The following ANO1 variants were observed in gnomAD, a reference collection of about 807,000 sequenced individuals.
ANO1 encodes the protein anoctamin-1.
A neutral mutation model predicts 124.0 loss-of-function variants in ANO1; 59 were observed. The ratio of observed to expected loss-of-function variants is 0.48; its 90% CI spans 0.39 to 0.59. The LOEUF is 0.59. Among genes scored for constraint, ANO1 ranks in the 20% least tolerant of loss-of-function variants. The pLI is 0.00. For missense variants in ANO1, 1,059 were observed against 1,328.0 expected (o/e 0.80, Z 3.15); for synonymous variants, 529 against 532.0 (o/e 0.99, Z 0.08).
intron 12 of ANO1, among the ~76,000 whole-genome samples, chr11:70,150,141 G>A (rs1021971678): frequency 6.6e-6 from 1 of 152,270 alleles, no homozygotes; most frequent in Non-Finnish European, 1.5e-5. Flanking sequence ...ACCCGTGGGG[G>A]TGGAGAGGAA....
intron 1 of ANO1, among the ~76,000 whole-genome samples, chr11:70,016,065 T>C (rs1856697994): frequency 6.6e-6 from 1 of 151,974 alleles, no homozygotes; most frequent in Non-Finnish European, 1.5e-5. Context: ...TCTCACTCTG[T>C]TGCCCAGGCT....
At chr11:70,080,246 C>T (rs1333727328) in intron 1 of ANO1, among the ~76,000 whole-genome samples, 1 of 152,182 alleles carries the variant, frequency 6.6e-6, no homozygotes, top group Admixed American at 6.5e-5. Context: ...GAGACTGAGG[C>T]CCAGAGGGGC....
chr11:70,024,450 C>T (rs1321597491), intron 1 of ANO1, among the ~76,000 whole-genome samples: 1 of 152,170 alleles, frequency 6.6e-6, no homozygotes, highest in Non-Finnish European at 1.5e-5. Context: ...GACCTGCTTC[C>T]CCTGCAGAGA....
chr11:70,185,049 C>T (rs2135857007), intron 24 of ANO1, among the ~76,000 whole-genome samples: 1 of 152,252 alleles, frequency 6.6e-6, no homozygotes, highest in African/African-American at 2.4e-5. Flanking sequence ...AGAGGTTTTT[C>T]TTTGGTAGAT....
intron 1 of ANO1, among the ~76,000 whole-genome samples, chr11:70,050,073 T>G (rs1555006145): frequency 1.3e-5 from 2 of 152,172 alleles, no homozygotes; most frequent in Admixed American, 1.3e-4. Flanking sequence ...TAGGAATGAC[T>G]CTTCCATCCC....
At chr11:70,019,243 C>CCCA (rs1565162181) in intron 1 of ANO1, among the ~76,000 whole-genome samples, 1 of 122,022 alleles carries the variant, frequency 8.2e-6, no homozygotes, top group African/African-American at 3.5e-5. Context: ...AAGAACCCCC[C>CCCA]CACACACACA....
intron 1 of ANO1, among the ~76,000 whole-genome samples, chr11:70,066,164 T>A (rs1857712374): frequency 6.6e-6 from 1 of 152,196 alleles, no homozygotes; most frequent in Non-Finnish European, 1.5e-5. Context: ...ATGTCCATTG[T>A]GTGAATGAAA....
chr11:70,051,450 C>T (rs1342569377), intron 1 of ANO1, among the ~76,000 whole-genome samples: 2 of 152,210 alleles, frequency 1.3e-5, no homozygotes, highest in South Asian at 2.1e-4. Context: ...TCAGGAGTTG[C>T]TGCCAAGTTT....
intron 1 of ANO1, among the ~76,000 whole-genome samples, chr11:69,990,074 T>A (rs1554997271): frequency 6.6e-6 from 1 of 152,218 alleles, no homozygotes; most frequent in Admixed American, 6.5e-5. Context: ...CTATCATCAC[T>A]ATCTATTTTC....
intron 2 of ANO1, among the ~76,000 whole-genome samples, chr11:70,095,422 G>GAA (rs1209925491): frequency 6.0e-5 from 3 of 49,774 alleles, no homozygotes; most frequent in Admixed American, 2.0e-4. Context: ...AAGAAAGAAA[G>GAA]AAAGAAAAGA....
intron 11 of ANO1, among the ~76,000 whole-genome samples, chr11:70,133,826 T>C (rs760228526): frequency 2.0e-5 from 3 of 152,162 alleles, no homozygotes; most frequent in African/African-American, 2.4e-5. Flanking sequence ...AGCCGAGGTA[T>C]GTATCAGGTG....
In ANO1 at chr11:69,987,547, G is replaced by C. The variant is rs576814023; in HGVS notation, c.58+1381G>C. 2.1e-5 allele frequency among the ~76,000 whole-genome samples: 3 copies of C among 145,788 alleles called. No homozygotes were observed. The South Asian group carries it at 6.4e-4, about 31-fold the overall frequency. On this transcript the variant is annotated intron_variant, in intron 1 of 27. Transcript: ENST00000531349. ...GGCAGGAGGATCGCTTGAGCCCGCA[G>C]TGTGCCTAGATCTTGCCACTGCACT...
chr11:70,131,116 T>C (rs2046739653), intron 10 of ANO1, among the ~76,000 whole-genome samples: 1 of 152,170 alleles, frequency 6.6e-6, no homozygotes, highest in African/African-American at 2.4e-5. Flanking sequence ...GGCTGGGAAC[T>C]CTGCCTCTCC....
intron 19 of ANO1, among the ~76,000 whole-genome samples, chr11:70,164,000 T>C (rs142452081): frequency 6.1e-4 from 93 of 152,210 alleles, no homozygotes; most frequent in African/African-American, 2.2e-3. Context: ...CTTTTTTTTT[T>C]ACTCGACATT....
chr11:70,059,277 G>A (rs2135104568), intron 1 of ANO1, among the ~76,000 whole-genome samples: 1 of 150,448 alleles, frequency 6.6e-6, no homozygotes, highest in South Asian at 2.2e-4. Context: ...CATGAACCTG[G>A]GAGGTGGAGC....
chr11:70,049,809 C>T (rs1350259983), intron 1 of ANO1, among the ~76,000 whole-genome samples: 1 of 152,156 alleles, frequency 6.6e-6, no homozygotes, highest in Non-Finnish European at 1.5e-5. Context: ...CAACCTCCAC[C>T]TCCCTGGTTC....
At chr11:70,017,304 G>A (rs1313905990) in intron 1 of ANO1, among the ~76,000 whole-genome samples, 1 of 152,188 alleles carries the variant, frequency 6.6e-6, no homozygotes, top group African/African-American at 2.4e-5. Context: ...AATCATAAAG[G>A]AAACTCTTTG....
In ANO1 at chr11:70,111,736, T is replaced by C. The variant is rs779942636; in HGVS notation, c.829T>C (p.Tyr277His). ...CACGAGCCTGCTGGCCAATGGTGTGTACGCGGCTGCATACCCACTGCACGA... is the reference window on the plus strand; with the variant it reads ...CACGAGCCTGCTGGCCAATGGTGTGCACGCGGCTGCATACCCACTGCACGA... ...GITSLLANGV[Y>H]AAAYPLHDGD... Residue 277 changes from tyrosine (Y) to histidine (H), a missense_variant, in exon 7 of 26, where the codon TAC (tyrosine) becomes CAC (histidine). Transcript: ENST00000355303. The C allele has an allele frequency of 1.2e-6, 2 of 1,614,038 alleles. No individual in the cohort carries two copies. The highest frequency in any genetic ancestry group is 2.2e-5 in the East Asian group (1 of 44,884).
chr11:70,098,855 G>T (rs1355761031), intron 2 of ANO1, among the ~76,000 whole-genome samples: 1 of 152,134 alleles, frequency 6.6e-6, no homozygotes. Flanking sequence ...TCCACCATGG[G>T]GACTCACTTC....
Sources: allele counts gnomAD v4.1 joint callset (sites outside exome capture counted in the v4.1 genomes callset), GRCh38; gene constraint gnomAD v4.1.1; transcripts MANE v1.5; gene names NCBI Gene and HGNC (gene_info 2026-07-23, HGNC 2026-07-21).